Variants in ARRB1 observed in about 807,000 individuals in gnomAD.
ARRB1 encodes the protein arrestin beta 1, also known as beta-arrestin-1.
A neutral mutation model predicts 56.8 loss-of-function variants in ARRB1; 21 were observed. The ratio of observed to expected loss-of-function variants is 0.37; its 90% CI spans 0.26 to 0.53. The LOEUF (loss-of-function observed/expected upper bound fraction) is 0.53. ARRB1 is among the 20% of genes least tolerant of loss of function. ARRB1 has a pLI of 0.88. For synonymous variants in ARRB1, 210 were observed against 218.6 expected, an observed-to-expected ratio of 0.96 and a Z score of 0.35; for missense variants, 424 against 553.7, an observed-to-expected ratio of 0.77 and a Z score of 2.35.
At chr11:75,270,247 A>G (rs921637392) in intron 13 of ARRB1, among the ~76,000 whole-genome samples, 43 of 151,822 alleles carry the variant, frequency 2.8e-4, no homozygotes, top group African/African-American at 9.9e-4. Flanking sequence ...TTGGGAGGCC[A>G]AGGCGGGCAG....
Position 75,268,927 on chromosome 11 carries a change from AT to A in ARRB1, c.1054del (p.Met352CysfsTer21). 1.2e-6 allele frequency: 2 copies of A among 1,611,376 alleles called. No individual in the cohort carries two copies. Among genetic ancestry groups the A allele is most frequent in the Non-Finnish European group, 1.7e-6 (2 of 1,179,296 alleles). ...DVAVELPFTL[M>X]HPKPKEEPPH... ...GGGTTCCTCTTTGGGCTTGGGGTGCATTAGGGTGAAGGGCAGTTCCACGGCC... is the reference window on the plus strand; with the variant it reads ...GGGTTCCTCTTTGGGCTTGGGGTGCATAGGGTGAAGGGCAGTTCCACGGCC... On this transcript the variant is annotated frameshift_variant, in exon 14 of 16. Coordinates refer to ENST00000420843, the MANE Select transcript of ARRB1 (RefSeq NM_004041.5). LOFTEE classifies it high-confidence loss of function.
rs886311328 is a variant in ARRB1 at position 75,281,199 on chromosome 11, C to G, written c.415-57G>C. The G allele has an allele frequency of 5.4e-6, 8 of 1,489,790 alleles. No homozygotes were observed. In the African/African-American group the frequency reaches 9.7e-5, roughly 18 times the overall value. The allele number at this position is 1,489,790 out of a possible 1,614,324, so 92.3% of individuals were successfully genotyped here. On this transcript the variant is annotated intron_variant, in intron 6 of 15. Coordinates refer to ENST00000420843, the MANE Select transcript of ARRB1 (RefSeq NM_004041.5). ...TTGGAGAAGCAGGGTCCCCAGTACA[C>G]AGCCAGCCCACCTCTCATTTTACAA...
At chr11:75,308,913 A>T (rs1947095026) in intron 1 of ARRB1, among the ~76,000 whole-genome samples, 1 of 152,230 alleles carries the variant, frequency 6.6e-6, no homozygotes, top group Non-Finnish European at 1.5e-5. Context: ...ATTTTAAGAC[A>T]TACCATTTGT....
Position 75,274,187 on chromosome 11 carries a change from C to A in ARRB1, c.801G>T (p.Thr267=). The change falls in exon 11 of 16, where the codon ACG becomes ACT. Residue 267 remains threonine (T), a synonymous_variant. Transcript: ENST00000420843. The part of the protein sequence containing the change: ...EADDTVAPSS[T]FCKVYTLTPF... ...GGGTCAGTGTGTAGACCTTGCAGAA[C>A]GTCGAGCTGGGTGCCACAGTGTCAC... is the stretch of plus-strand genomic sequence containing the variant. 2 of 1,614,182 alleles carry A rather than the reference C, an allele frequency of 1.2e-6. No homozygotes were observed. The highest frequency in any genetic ancestry group is 1.3e-5 in the African/African-American group (1 of 75,054).
At position 75,276,909 on chromosome 11, in the gene ARRB1, G is replaced by C; in HGVS notation, c.706C>G (p.Arg236Gly). ...KTVKKIKISV[R>G]QYADICLFNT... The stretch of plus-strand genomic sequence containing the variant: ...AAAAGGCAGATGTCTGCATACTGGC[G>C]CACTAGGGAGGGAGAGGAATCAAGG... Residue 236 changes from arginine to glycine, a missense_variant and splice_region_variant, in exon 10 of 16, where the codon CGC (arginine) becomes GGC (glycine). Arg to Gly is a moderately radical substitution (Grantham distance 125, BLOSUM62 -2). This residue lies in a region of ARRB1 where 301 missense variants were observed against 387.9 expected (regional missense o/e 0.78). Coordinates refer to ENST00000420843, the MANE Select transcript of ARRB1 (RefSeq NM_004041.5). 1 of 1,614,120 alleles carries C rather than the reference G, an allele frequency of 6.2e-7. No homozygotes were observed.
At chr11:75,270,510 C>T (rs1389074009) in intron 13 of ARRB1, among the ~76,000 whole-genome samples, 1 of 152,118 alleles carries the variant, frequency 6.6e-6, no homozygotes, top group Non-Finnish European at 1.5e-5. Flanking sequence ...TGCCTATAAT[C>T]CCAGCTACTT....
At chr11:75,351,411 C>T (rs1947849091) in intron 1 of ARRB1, among the ~76,000 whole-genome samples, 177 bp downstream of exon 1, 2 of 152,184 alleles carry the variant, frequency 1.3e-5, no homozygotes, top group Non-Finnish European at 2.9e-5. Context: ...CCCTTTGGGT[C>T]CCCCCGCCCA....
In ARRB1 at chr11:75,261,187, T is replaced by TAC. The variant is rs1945781319; in HGVS notation, c.*4975_*4976insGT. ...AAAAACCATCAACTATGTACGTGTGTGTGTGTGTGTGTGTGTGTGTGTGTG... is the reference window on the plus strand; with the variant it reads ...AAAAACCATCAACTATGTACGTGTGTACGTGTGTGTGTGTGTGTGTGTGTGTG... On this transcript the variant is annotated 3_prime_UTR_variant, in exon 16 of 16. Coordinates refer to ENST00000420843, the MANE Select transcript of ARRB1 (RefSeq NM_004041.5). The TAC allele has an allele frequency of 8.7e-6, 1 of 114,688 alleles. No homozygotes were observed. Among genetic ancestry groups the TAC allele is most frequent in the African/African-American group, 3.6e-5 (1 of 27,728 alleles). 7.1% of individuals were successfully genotyped at this position (114,688 alleles called of 1,614,324 possible).
In ARRB1 at chr11:75,317,021, G is replaced by A. The variant is rs183827296; in HGVS notation, c.21-26982C>T. On this transcript the variant is annotated intron_variant, in intron 1 of 15. Coordinates refer to ENST00000420843, the MANE Select transcript of ARRB1 (RefSeq NM_004041.5). ...GTGGAGGTTGCAGTCAGCCGAGATC[G>A]AGCTACTACTGCCCTCCAGCCTGGG... Among the ~76,000 whole-genome samples the A allele has an allele frequency of 2.9e-3, 434 of 152,202 alleles. 2 individuals are homozygous for A. The highest frequency in any genetic ancestry group is 0.014 in the Middle Eastern group (4 of 294).
intron 1 of ARRB1, among the ~76,000 whole-genome samples, chr11:75,329,663 G>A (rs896920260): frequency 1.3e-5 from 2 of 152,062 alleles, no homozygotes; most frequent in African/African-American, 2.4e-5. Flanking sequence ...ATCCTCAGAG[G>A]GTTTCTGACA....
In ARRB1 at chr11:75,265,994, G is replaced by A; in HGVS notation, c.*169C>T. 1 of 619,352 alleles carries A rather than the reference G, an allele frequency of 1.6e-6. No individual in the cohort carries two copies. Among genetic ancestry groups the A allele is most frequent in the East Asian group, 2.8e-5 (1 of 36,220 alleles). 38.4% of individuals were successfully genotyped at this position (619,352 alleles called of 1,614,324 possible). ...TGGTCCTGTTGGCGTGGTGATGTGG[G>A]GCCAATCCTGAGGCCAGAGGTTCAT... On this transcript the variant is annotated 3_prime_UTR_variant, in exon 16 of 16. Coordinates refer to ENST00000420843, the MANE Select transcript of ARRB1 (RefSeq NM_004041.5).
At chr11:75,315,747 G>T (rs552442960) in intron 1 of ARRB1, among the ~76,000 whole-genome samples, 1 of 152,152 alleles carries the variant, frequency 6.6e-6, no homozygotes, top group East Asian at 1.9e-4. Context: ...GTCACGGCTG[G>T]ATACTTAGGC....
chr11:75,348,671 C>A (rs1947807475), intron 1 of ARRB1, among the ~76,000 whole-genome samples: 1 of 151,836 alleles, frequency 6.6e-6, no homozygotes, highest in African/African-American at 2.4e-5. Flanking sequence ...GATCATGGCT[C>A]ACTGCAGCCT....
intron 1 of ARRB1, among the ~76,000 whole-genome samples, chr11:75,304,371 G>A (rs1464302214): frequency 6.6e-6 from 1 of 151,742 alleles, no homozygotes; most frequent in African/African-American, 2.4e-5. Flanking sequence ...CTGTGGTCAG[G>A]GACTCCATAC....
intron 1 of ARRB1, among the ~76,000 whole-genome samples, chr11:75,336,657 T>C (rs997977558): frequency 3.3e-5 from 5 of 152,250 alleles, no homozygotes; most frequent in African/African-American, 1.2e-4. Context: ...ACGACCCTCA[T>C]GTACTGCATG....
chr11:75,338,095 G>A (rs929398574), intron 1 of ARRB1, among the ~76,000 whole-genome samples: 6 of 152,168 alleles, frequency 3.9e-5, no homozygotes, highest in African/African-American at 1.4e-4. Context: ...GTTGTTAGCA[G>A]TGTGGTGGGG....
At chr11:75,292,221 C>T (rs1009432803) in intron 1 of ARRB1, among the ~76,000 whole-genome samples, 2 of 152,138 alleles carry the variant, frequency 1.3e-5, no homozygotes, top group African/African-American at 4.8e-5. Flanking sequence ...CTCACTGCAA[C>T]CTCCATCCCC....
intron 1 of ARRB1, among the ~76,000 whole-genome samples, chr11:75,333,755 G>A (rs950329726): frequency 2.0e-5 from 3 of 152,168 alleles, no homozygotes; most frequent in African/African-American, 7.2e-5. Flanking sequence ...GGTGGGATCT[G>A]AAACCTAGCC....
chr11:75,297,829 C>G (rs1946792433), intron 1 of ARRB1, among the ~76,000 whole-genome samples: 1 of 121,682 alleles, frequency 8.2e-6, no homozygotes, highest in Non-Finnish European at 1.6e-5. Flanking sequence ...CATGCCACTG[C>G]ACTCCAGCCT....
Sources: allele counts gnomAD v4.1 joint callset (sites outside exome capture counted in the v4.1 genomes callset), GRCh38; gene constraint gnomAD v4.1.1; regional missense constraint gnomAD v4.1.1; transcripts MANE v1.5; gene names NCBI Gene and HGNC (gene_info 2026-07-23, HGNC 2026-07-21).